SCML2: variants seen among roughly 807,000 people sequenced by gnomAD.
SCML2 encodes Scm polycomb group protein like 2.
Under a neutral mutation model 48.4 loss-of-function variants are expected in SCML2, and 6 were observed. The observed-to-expected ratio is 0.12, with a 90% confidence interval of 0.07 to 0.24. The LOEUF is 0.24. SCML2 is among the 10% of genes least tolerant of loss of function. The probability of loss-of-function intolerance (pLI) is 1.00; values close to 1 mark genes in which losing one functional copy is unlikely to be tolerated. For synonymous variants in SCML2, 181 were observed against 189.5 expected, an observed-to-expected ratio of 0.95 and a Z score of 0.37; for missense variants, 377 against 528.2, an observed-to-expected ratio of 0.71 and a Z score of 2.81.
At chrX:18,353,973 C>T (rs2147580306) in intron 1 of SCML2, among the ~76,000 whole-genome samples, 1 of 112,806 alleles carries the variant, frequency 8.9e-6, no homozygotes, top group East Asian at 2.8e-4. Context: ...CTTAGAGCCC[C>T]TCCTCGCCTC....
At chrX:18,251,858 G>A (rs940134267) in intron 11 of SCML2, among the ~76,000 whole-genome samples, 1 of 112,226 alleles carries the variant, frequency 8.9e-6, no homozygotes, top group South Asian at 3.7e-4. Context: ...TAGCCAAAAA[G>A]TGGAAACAAT....
chrX:18,259,855 G>C (rs1379100567), intron 9 of SCML2, among the ~76,000 whole-genome samples: 1 of 111,403 alleles, frequency 9.0e-6, no homozygotes, highest in East Asian at 2.8e-4. Flanking sequence ...CATACAAAAA[G>C]ACAAATTTTG....
intron 7 of SCML2, among the ~76,000 whole-genome samples, chrX:18,299,262 C>A (rs921984577): frequency 5.4e-5 from 6 of 111,369 alleles, no homozygotes; most frequent in African/African-American, 2.0e-4. Context: ...GCCTGTATTC[C>A]CAGCACTTTG....
chrX:18,288,453 A>G (rs1045711762), intron 7 of SCML2, among the ~76,000 whole-genome samples: 2 of 111,711 alleles, frequency 1.8e-5, no homozygotes, highest in Non-Finnish European at 3.8e-5. Flanking sequence ...AAGAAAAAAA[A>G]ACATTTTTAT....
At chrX:18,247,708 T>A in intron 12 of SCML2, 61 bp downstream of exon 12, 1 of 889,044 alleles carries the variant, frequency 1.1e-6, no homozygotes, top group East Asian at 3.1e-5. Flanking sequence ...CCCAAGAGTA[T>A]ACATAAGTGG....
chrX:18,354,587 C>A lies in SCML2; in HGVS notation c.-25+5G>T. On this transcript the variant is annotated splice_donor_5th_base_variant and intron_variant, in intron 1 of 14. Coordinates refer to ENST00000251900, the MANE Select transcript of SCML2 (RefSeq NM_006089.3). Reference sequence around the variant, plus strand: ...TTCCTTACGGGGCCCGGAATCACCACGTACCTCCAGTCTCGTCGGTGAAAA... The same window carrying A: ...TTCCTTACGGGGCCCGGAATCACCAAGTACCTCCAGTCTCGTCGGTGAAAA... 1 of 283,100 alleles carries A rather than the reference C, an allele frequency of 3.5e-6. No homozygotes were observed. The highest frequency in any genetic ancestry group is 6.2e-6 in the Non-Finnish European group (1 of 160,613). 23.3% of individuals were successfully genotyped at this position (283,100 alleles called of 1,213,427 possible). A position where few individuals can be genotyped will look rare whatever the true frequency, so the allele number is the denominator to read the frequency against.
intron 1 of SCML2, among the ~76,000 whole-genome samples, chrX:18,348,920 G>T (rs534885644): frequency 1.8e-5 from 2 of 111,616 alleles, no homozygotes; most frequent in South Asian, 7.4e-4. Flanking sequence ...TAGGAAAAGT[G>T]GCCAAATGTT....
At chrX:18,281,171 A>T (rs1284886825) in intron 7 of SCML2, among the ~76,000 whole-genome samples, 2 of 73,647 alleles carry the variant, frequency 2.7e-5, no homozygotes, top group Non-Finnish European at 3.0e-5. Context: ...GCCACAGTGC[A>T]ATAAAAATAG....
At chrX:18,309,997 C>T (rs1279363637) in intron 6 of SCML2, among the ~76,000 whole-genome samples, 1 of 111,423 alleles carries the variant, frequency 9.0e-6, no homozygotes, top group African/African-American at 3.3e-5. Flanking sequence ...GATATATATA[C>T]ACAGTGGAAT....
chrX:18,245,880 C>T (rs772850084), intron 13 of SCML2, among the ~76,000 whole-genome samples: 1 of 111,910 alleles, frequency 8.9e-6, no homozygotes, highest in Non-Finnish European at 1.9e-5. Flanking sequence ...GCTGGGATTA[C>T]AGGCATGCAT....
intron 3 of SCML2, 55 bp from the exon 4 acceptor site, chrX:18,325,032 T>C: frequency 1.2e-6 from 1 of 845,154 alleles, no homozygotes; most frequent in Non-Finnish European, 1.7e-6. Context: ...ATGTAACTTT[T>C]AGTATATACA....
At chrX:18,329,591 T>C (rs1055623656) in intron 3 of SCML2, among the ~76,000 whole-genome samples, 1 of 112,754 alleles carries the variant, frequency 8.9e-6, no homozygotes, top group Non-Finnish European at 1.9e-5. Flanking sequence ...CAGATTCTAT[T>C]ACATCTCCTG....
At chrX:18,278,432 C>T (rs1011334781) in intron 7 of SCML2, among the ~76,000 whole-genome samples, 4 of 111,859 alleles carry the variant, frequency 3.6e-5, no homozygotes, top group African/African-American at 1.3e-4. Flanking sequence ...ACCCTGCATC[C>T]CCCATGGACA....
At chrX:18,246,904 A>C in intron 12 of SCML2, 76 bp from the exon 13 acceptor site, 238 of 986,764 alleles carry the variant, frequency 2.4e-4, no homozygotes, top group Non-Finnish European at 3.0e-4. Context: ...TAAAAATCTC[A>C]TCCCTAGCAA....
Position 18,265,783 on chromosome X carries a change from T to C in SCML2, c.750A>G (p.Ile250Met), listed in dbSNP as rs765190623. The C allele has an allele frequency of 3.3e-5, 40 of 1,203,249 alleles. No homozygotes were observed. The highest frequency in any genetic ancestry group is 4.4e-5 in the Non-Finnish European group (39 of 890,302). ...PGTSVPIVKN[I>M]AKTESSPSEA... ...CGGAAGGAGAAGACTCTGTTTTTGC[T>C]ATATTCTTTACAATAGGAACTGAGG... The change falls in exon 8 of 15, where the codon ATA becomes ATG. Residue 250 changes from isoleucine (I) to methionine (M), a missense_variant. Transcript: ENST00000251900.
At position 18,344,443 on chromosome X, in the gene SCML2, G is replaced by C. The variant is rs187902416; in HGVS notation, c.-25+10149C>G. On this transcript the variant is annotated intron_variant, in intron 1 of 14. Transcript: ENST00000251900. ...GGCTCCAATACACCGTATGTGCTTT[G>C]AAAGGGAGAAATAAGGAGTGATATG... Among the ~76,000 whole-genome samples, 10 of 111,865 alleles carry C rather than the reference G, an allele frequency of 8.9e-5. No individual in the cohort carries two copies. In the East Asian group the frequency reaches 2.5e-3, roughly 28 times the overall value.
At chrX:18,339,125 G>A (rs976103600) in intron 1 of SCML2, among the ~76,000 whole-genome samples, 1 of 110,767 alleles carries the variant, frequency 9.0e-6, no homozygotes, top group Non-Finnish European at 1.9e-5. Context: ...GGATTTCCAA[G>A]CATTACTTGG....
chrX:18,257,053 G>A (rs1475013158), intron 10 of SCML2, 23 bp from the exon 11 acceptor site: 5 of 1,075,934 alleles, frequency 4.6e-6, no homozygotes. Flanking sequence ...AAAAAAGGAT[G>A]TCAGTAACCT....
In SCML2 at chrX:18,265,571, G is replaced by A. The variant is rs1299613210; in HGVS notation, c.948+14C>T. The A allele has an allele frequency of 8.7e-7, 1 of 1,145,092 alleles. No individual in the cohort carries two copies. Among genetic ancestry groups the A allele is most frequent in the African/African-American group, 1.8e-5 (1 of 55,684 alleles). 94.4% of individuals were successfully genotyped at this position (1,145,092 alleles called of 1,213,427 possible). A position where few individuals can be genotyped will look rare whatever the true frequency, so the allele number is the denominator to read the frequency against. On this transcript the variant is annotated intron_variant, in intron 8 of 14. Transcript: ENST00000251900. ...AAAAACCTATAATACAAATTAGGAGGACATACAACTAACCTTTTTTCCTGA... is the reference window on the plus strand; with the variant it reads ...AAAAACCTATAATACAAATTAGGAGAACATACAACTAACCTTTTTTCCTGA...
Sources: allele counts gnomAD v4.1 joint callset (sites outside exome capture counted in the v4.1 genomes callset), GRCh38; gene constraint gnomAD v4.1.1; transcripts MANE v1.5; gene names NCBI Gene and HGNC (gene_info 2026-07-23, HGNC 2026-07-21).